Variants in SLC16A12 observed in about 807,000 individuals in gnomAD.
SLC16A12 encodes the protein solute carrier family 16 member 12.
Under a neutral mutation model 42.4 loss-of-function variants are expected in SLC16A12, and 17 were observed. The observed-to-expected ratio is 0.40, with a 90% CI of 0.27 to 0.60. The LOEUF is 0.60. Among genes scored for constraint, SLC16A12 ranks in the 20% least tolerant of loss-of-function variants. The pLI, the probability that SLC16A12 is intolerant of heterozygous loss-of-function variation, is 0.42. For missense variants in SLC16A12, 544 were observed against 623.0 expected, an observed-to-expected ratio of 0.87 and a Z score of 1.35; for synonymous variants, 224 against 229.4, an observed-to-expected ratio of 0.98 and a Z score of 0.21.
At chr10:89,472,639 C>T (rs1460540873) in intron 2 of SLC16A12, among the ~76,000 whole-genome samples, 1 of 151,090 alleles carries the variant, frequency 6.6e-6, no homozygotes, top group Non-Finnish European at 1.5e-5. Flanking sequence ...AATCCAGGTG[C>T]CCACAACCAT....
At chr10:89,496,063 C>T (rs1467081663) in intron 2 of SLC16A12, among the ~76,000 whole-genome samples, 2 of 151,898 alleles carry the variant, frequency 1.3e-5, no homozygotes, top group East Asian at 3.9e-4. Flanking sequence ...AAGAAATTAC[C>T]ATATAATTAG....
intron 3 of SLC16A12, among the ~76,000 whole-genome samples, chr10:89,452,781 C>G (rs117376141): frequency 6.6e-6 from 1 of 152,162 alleles, no homozygotes; most frequent in African/African-American, 2.4e-5. Flanking sequence ...GCAGAGAGGT[C>G]GAACTGCAAT....
At chr10:89,547,695 G>T (rs574322826) in intron 2 of SLC16A12, among the ~76,000 whole-genome samples, 24 of 152,280 alleles carry the variant, frequency 1.6e-4, no homozygotes, top group Middle Eastern at 3.4e-3. Context: ...CTTGCTAGAA[G>T]AATTCAGAGA....
At chr10:89,445,666 C>T (rs1328971569) in intron 3 of SLC16A12, among the ~76,000 whole-genome samples, 1 of 152,142 alleles carries the variant, frequency 6.6e-6, no homozygotes, top group African/African-American at 2.4e-5. Context: ...AGCAGAAAAG[C>T]TGAAAATTCT....
rs952751590 is a variant in SLC16A12, at chr10:89,485,216, A to T, written c.-46-22592T>A. Among the ~76,000 whole-genome samples the T allele has an allele frequency of 2.6e-5, 4 of 152,356 alleles. 1 individual carries two copies. The South Asian group carries it at 8.3e-4, about 32-fold the overall frequency. On this transcript the variant is annotated intron_variant, in intron 2 of 7. Coordinates refer to ENST00000371790, the MANE Select transcript of SLC16A12 (RefSeq NM_213606.4). ...GTCACAATCAGGGTGTGCTACTGGC[A>T]TCTAGGGCACAGAGGCCAGGGATGC...
At chr10:89,506,665 TCTC>T (rs1414569064) in intron 2 of SLC16A12, among the ~76,000 whole-genome samples, 1 of 152,082 alleles carries the variant, frequency 6.6e-6, no homozygotes. Context: ...GACAGCTTCT[TCTC>T]CTACAAAGGA....
At chr10:89,466,865 T>C (rs1842409017) in intron 2 of SLC16A12, among the ~76,000 whole-genome samples, 1 of 152,234 alleles carries the variant, frequency 6.6e-6, no homozygotes, top group Non-Finnish European at 1.5e-5. Context: ...CTGCCCATAC[T>C]GTGCTAACAT....
intron 6 of SLC16A12, among the ~76,000 whole-genome samples, chr10:89,437,889 G>A (rs1227802422): frequency 6.6e-6 from 1 of 152,158 alleles, no homozygotes; most frequent in East Asian, 1.9e-4. Flanking sequence ...TGGTTTCTAA[G>A]CCTGCAATTA....
intron 3 of SLC16A12, among the ~76,000 whole-genome samples, chr10:89,460,744 CAAAAAAA>C (rs751005622): frequency 1.0e-4 from 7 of 68,446 alleles, no homozygotes; most frequent in Admixed American, 1.7e-4. Flanking sequence ...GACACTGTCT[CAAAAAAA>C]AAAAAAAAAA....
Position 89,458,800 on chromosome 10 carries a change from A to G in SLC16A12, c.200+3579T>C, listed in dbSNP as rs565075329. 6.5e-4 allele frequency among the ~76,000 whole-genome samples: 99 copies of G among 152,360 alleles called. 1 individual carries two copies. The highest frequency in any genetic ancestry group is 3.4e-3 in the Middle Eastern group (1 of 294). On this transcript the variant is annotated intron_variant, in intron 3 of 7. Transcript: ENST00000371790. ...TACATCCAATCATGAATTTCAAAGC[A>G]TAGAAAGAATCATGGGGTGATGGTA...
Position 89,455,500 on chromosome 10 carries a change from C to T in SLC16A12, c.200+6879G>A, listed in dbSNP as rs149816297. ...AGGCAAACTTTCTAATAACCACATACAGGCTTCTGAATGATTGTGACTTTC... is the reference window on the plus strand; with the variant it reads ...AGGCAAACTTTCTAATAACCACATATAGGCTTCTGAATGATTGTGACTTTC... On this transcript the variant is annotated intron_variant, in intron 3 of 7. Coordinates refer to ENST00000371790, the MANE Select transcript of SLC16A12 (RefSeq NM_213606.4). Among the ~76,000 whole-genome samples, 114 of 152,304 alleles carry T rather than the reference C, an allele frequency of 7.5e-4. No homozygotes were observed. The East Asian group carries it at 0.015, about 20-fold the overall frequency.
rs532187244 is a variant in SLC16A12 at position 89,430,545 on chromosome 10, C to T, written c.*2519G>A. ...TTGTTCTTGATTCCACAAAATACAT[C>T]ATTCCCATGAATTTCTCAGTTTTGA... On this transcript the variant is annotated 3_prime_UTR_variant, in exon 8 of 8. Coordinates refer to ENST00000371790, the MANE Select transcript of SLC16A12 (RefSeq NM_213606.4). 6.4e-5 allele frequency: 27 copies of T among 421,940 alleles called. No individual in the cohort carries two copies. The highest frequency in any genetic ancestry group is 5.8e-4 in the African/African-American group (27 of 46,708). 26.1% of individuals were successfully genotyped at this position (421,940 alleles called of 1,614,324 possible).
chr10:89,555,256 C>T (rs1274043922), intron 2 of SLC16A12, among the ~76,000 whole-genome samples: 1 of 151,554 alleles, frequency 6.6e-6, no homozygotes, highest in South Asian at 2.1e-4. Context: ...AATCCTCCTG[C>T]TACTCAACCT....
At chr10:89,477,877 C>G (rs1180153913) in intron 2 of SLC16A12, among the ~76,000 whole-genome samples, 1 of 148,202 alleles carries the variant, frequency 6.7e-6, no homozygotes, top group Non-Finnish European at 1.5e-5. Flanking sequence ...CCCGCCCCCA[C>G]CCCCACCCCG....
chr10:89,446,696 T>C lies in SLC16A12; in HGVS notation c.201-2837A>G, dbSNP rs558577862. Among the ~76,000 whole-genome samples the C allele has an allele frequency of 1.3e-3, 192 of 152,252 alleles. 1 individual carries two copies. Among genetic ancestry groups the C allele is most frequent in the African/African-American group, 4.5e-3 (185 of 41,548 alleles). On this transcript the variant is annotated intron_variant, in intron 3 of 7. Transcript: ENST00000371790. ...CCATCGATGCTAGGAAGAAACTGCA[T>C]CAACTAATGGGCAAAATAACCAGCT...
At chr10:89,457,805 C>A (rs1306469324) in intron 3 of SLC16A12, among the ~76,000 whole-genome samples, 1 of 152,160 alleles carries the variant, frequency 6.6e-6, no homozygotes, top group Non-Finnish European at 1.5e-5. Flanking sequence ...CCCCCTGTGA[C>A]TTTTTCAAAA....
chr10:89,490,324 T>C (rs1287599063), intron 2 of SLC16A12, among the ~76,000 whole-genome samples: 1 of 152,156 alleles, frequency 6.6e-6, no homozygotes, highest in East Asian at 1.9e-4. Context: ...GTCTAACAAT[T>C]CAACTCAACT....
intron 2 of SLC16A12, among the ~76,000 whole-genome samples, chr10:89,488,725 A>T (rs1842802102): frequency 6.6e-6 from 1 of 152,210 alleles, no homozygotes; most frequent in Admixed American, 6.5e-5. Flanking sequence ...TTCCCGAAGG[A>T]CCAACCCCTA....
upstream of SLC16A12, among the ~76,000 whole-genome samples, chr10:89,537,551 T>C (rs1358954440): frequency 6.6e-6 from 1 of 152,174 alleles, no homozygotes; most frequent in Non-Finnish European, 1.5e-5. Context: ...ATACAGCTTG[T>C]AAAAGAATTC....
Sources: gnomAD v4.1 joint callset for allele counts (sites outside exome capture counted in the v4.1 genomes callset) on GRCh38, gnomAD v4.1.1 for gene constraint, MANE v1.5 for transcripts, NCBI Gene and HGNC (gene_info 2026-07-23, HGNC 2026-07-21) for gene names.